Variants in NDUFA9 observed in about 807,000 individuals in gnomAD.
The protein encoded by NDUFA9 is NADH dehydrogenase [ubiquinone] 1 alpha subcomplex subunit 9, mitochondrial.
A neutral mutation model predicts 45.9 loss-of-function variants in NDUFA9; 23 were observed. The observed-to-expected ratio is 0.50, with a 90% CI of 0.36 to 0.71. The LOEUF is 0.71. NDUFA9 is among the 30% of genes least tolerant of loss of function. The probability of loss-of-function intolerance (pLI) is 0.00; values close to 1 mark genes in which losing one functional copy is unlikely to be tolerated. For missense variants in NDUFA9, 466 were observed against 488.2 expected (o/e 0.95, Z 0.43); for synonymous variants, 176 against 170.5 (o/e 1.03, Z -0.25).
chr12:4,649,254 G>T, intron 1 of NDUFA9, 79 bp downstream of exon 1: 1 of 1,503,716 alleles, frequency 6.7e-7, no homozygotes, highest in East Asian at 2.4e-5. Context: ...GCACCGTGCT[G>T]CAGCGGTCAC....
At chr12:4,651,152 ATACT>A (rs1483838570) in intron 1 of NDUFA9, among the ~76,000 whole-genome samples, 1 of 152,194 alleles carries the variant, frequency 6.6e-6, no homozygotes, top group African/African-American at 2.4e-5. Flanking sequence ...TTTTAAATAA[ATACT>A]TAAAAAAATT....
chr12:4,677,216 A>C (rs189493978), intron 8 of NDUFA9, among the ~76,000 whole-genome samples: 13 of 152,364 alleles, frequency 8.5e-5, no homozygotes, highest in African/African-American at 3.1e-4. Flanking sequence ...AAAGCTAGGC[A>C]ATACCATTCA....
intron 9 of NDUFA9, among the ~76,000 whole-genome samples, chr12:4,683,191 A>AG (rs1555136510): frequency 1.3e-5 from 2 of 151,772 alleles, no homozygotes; most frequent in Admixed American, 6.6e-5. Flanking sequence ...AAAAAAAAAA[A>AG]AAAGAAAGAA....
intron 6 of NDUFA9, 35 bp downstream of exon 6, chr12:4,662,670 T>C: frequency 6.6e-7 from 1 of 1,517,218 alleles, no homozygotes; most frequent in Non-Finnish European, 9.2e-7. Flanking sequence ...AAGAGAGGGA[T>C]ACTGATTAAC....
At chr12:4,652,264 C>G (rs528068050) in intron 1 of NDUFA9, among the ~76,000 whole-genome samples, 1 of 152,294 alleles carries the variant, frequency 6.6e-6, no homozygotes, top group East Asian at 1.9e-4. Flanking sequence ...CAGTAATTTT[C>G]TACCTCTACC....
intron 1 of NDUFA9, 123 bp from the exon 2 acceptor site, chr12:4,654,168 TA>T: frequency 1.1e-6 from 1 of 906,852 alleles, no homozygotes; most frequent in Non-Finnish European, 1.6e-6. Flanking sequence ...CCTTGATACT[TA>T]AATTGCTAAA....
At chr12:4,682,893 C>T (rs1945962233) in intron 9 of NDUFA9, among the ~76,000 whole-genome samples, 1 of 152,158 alleles carries the variant, frequency 6.6e-6, no homozygotes, top group South Asian at 2.1e-4. Context: ...ATAGCGAAGC[C>T]CCATCTCTAC....
intron 6 of NDUFA9, among the ~76,000 whole-genome samples, chr12:4,667,279 C>T (rs1025619478): frequency 2.0e-5 from 3 of 152,090 alleles, no homozygotes. Flanking sequence ...CTCTTAGTTC[C>T]TATCACATTG....
At chr12:4,684,745 T>C (rs1316953143) in intron 9 of NDUFA9, among the ~76,000 whole-genome samples, 1 of 152,042 alleles carries the variant, frequency 6.6e-6, no homozygotes, top group Non-Finnish European at 1.5e-5. Flanking sequence ...GCCTTTTCCG[T>C]TTTGGGTTTT....
chr12:4,667,025 A>G (rs1376044365), intron 6 of NDUFA9, among the ~76,000 whole-genome samples: 1 of 152,212 alleles, frequency 6.6e-6, no homozygotes, highest in Non-Finnish European at 1.5e-5. Context: ...AGTAATTTAT[A>G]AAGAAGAGAA....
rs973011936 is a variant in NDUFA9, at chr12:4,682,379, T to C, written c.896+79T>C. 44 of 1,028,232 alleles carry C rather than the reference T, an allele frequency of 4.3e-5. No individual in the cohort carries two copies. In the African/African-American group the frequency reaches 6.4e-4, roughly 15 times the overall value. The allele number at this position is 1,028,232 out of a possible 1,614,324, so 63.7% of individuals were successfully genotyped here. A position where few individuals can be genotyped will look rare whatever the true frequency, so the allele number is the denominator to read the frequency against. On this transcript the variant is annotated intron_variant, in intron 9 of 10. Transcript: ENST00000266544. Reference sequence around the variant, plus strand: ...TGTTCCTAATGTTCTCCCTTAGGGTTATAGGGTGTGTGAAGGGCTGGTCTC... The same window carrying C: ...TGTTCCTAATGTTCTCCCTTAGGGTCATAGGGTGTGTGAAGGGCTGGTCTC...
At position 4,654,292 on chromosome 12, in the gene NDUFA9, G is replaced by T. The variant is rs769578248; in HGVS notation, c.50G>T (p.Arg17Leu). Residue 17 changes from arginine (R) to leucine (L), a missense_variant and splice_region_variant, in exon 2 of 11, where the codon CGT becomes CTT. Transcript: ENST00000266544. ...TGTATACTTTGGGGTTTTGTTTAAG[G>T]TTCTGCCATTACTGCAATAGCCACA... is the stretch of plus-strand genomic sequence containing the variant. ...SRVVRVLSMSRSAITAIATSV... is the reference protein window; with the variant it reads ...SRVVRVLSMSLSAITAIATSV... 1.3e-5 allele frequency: 21 copies of T among 1,611,900 alleles called. No homozygotes were observed. The highest frequency in any genetic ancestry group is 1.6e-4 in the Middle Eastern group (1 of 6,080).
intron 1 of NDUFA9, 39 bp downstream of exon 1, chr12:4,649,214 C>T (rs1338426614): frequency 6.3e-7 from 1 of 1,583,314 alleles, no homozygotes; most frequent in Non-Finnish European, 8.6e-7. Flanking sequence ...GGTCGGGATT[C>T]CGAGACGGGG....
intron 10 of NDUFA9, among the ~76,000 whole-genome samples, chr12:4,685,528 GTGTTTCT>G (rs1945980659): frequency 1.3e-5 from 2 of 152,062 alleles, no homozygotes; most frequent in South Asian, 4.1e-4. Flanking sequence ...GTCATTATCA[GTGTTTCT>G]TTCTCTGCTT....
At chr12:4,653,124 A>G (rs778173185) in intron 1 of NDUFA9, among the ~76,000 whole-genome samples, 3 of 152,258 alleles carry the variant, frequency 2.0e-5, no homozygotes, top group Non-Finnish European at 2.9e-5. Flanking sequence ...AGCTAACTCT[A>G]AAATTCTATT....
In NDUFA9 at chr12:4,668,088, C is replaced by T. The variant is rs149076024; in HGVS notation, c.656-369C>T. On this transcript the variant is annotated intron_variant, in intron 6 of 10. Transcript: ENST00000266544. ...ATCTAGATATTAACTAGATAGACAG[C>T]TCATCTGCCATATCAACAGATGAGT... Among the ~76,000 whole-genome samples, 1,051 of 152,244 alleles carry T rather than the reference C, an allele frequency of 6.9e-3. 7 individuals carry two copies. The highest frequency in any genetic ancestry group is 0.011 in the Non-Finnish European group (730 of 68,010).
At chr12:4,674,864 T>C (rs1238458733) in intron 8 of NDUFA9, among the ~76,000 whole-genome samples, 1 of 152,190 alleles carries the variant, frequency 6.6e-6, no homozygotes, top group Non-Finnish European at 1.5e-5. Flanking sequence ...CAACAGAATA[T>C]AATTTCTTCT....
chr12:4,661,353 A>G (rs183849962), intron 5 of NDUFA9, among the ~76,000 whole-genome samples: 87 of 152,286 alleles, frequency 5.7e-4, no homozygotes, highest in African/African-American at 1.7e-3. Context: ...AAATGTTTCA[A>G]ATTGTCTCAT....
chr12:4,679,283 C>A (rs528318387), intron 8 of NDUFA9, among the ~76,000 whole-genome samples: 1 of 152,164 alleles, frequency 6.6e-6, no homozygotes, highest in East Asian at 1.9e-4. Flanking sequence ...GAGGATCTTA[C>A]TAGAGTAAGG....
Sources: gnomAD v4.1 joint callset for allele counts (sites outside exome capture counted in the v4.1 genomes callset) on GRCh38, gnomAD v4.1.1 for gene constraint, MANE v1.5 for transcripts, NCBI Gene and HGNC (gene_info 2026-07-23, HGNC 2026-07-21) for gene names.